Variants in ENOX1 observed in about 807,000 individuals in gnomAD.
ENOX1 encodes candidate growth-related and time keeping constitutive hydroquinone (NADH) oxidase.
A neutral mutation model predicts 82.5 loss-of-function variants in ENOX1; 42 were observed. The observed-to-expected ratio is 0.51, with a 90% CI of 0.40 to 0.66. The LOEUF (loss-of-function observed/expected upper bound fraction) is 0.66, where lower values mean the gene tolerates loss of function less well. Ranked by LOEUF, ENOX1 falls within the 30% of genes least tolerant of loss-of-function variation. The pLI, the probability that ENOX1 is intolerant of heterozygous loss-of-function variation, is 0.00. For synonymous variants in ENOX1, 271 were observed against 282.2 expected, an observed-to-expected ratio of 0.96 and a Z score of 0.40; for missense variants, 608 against 811.6, an observed-to-expected ratio of 0.75 and a Z score of 3.05.
chr13:43,775,440 C>A (rs753818801), intron 1 of ENOX1, among the ~76,000 whole-genome samples: 1 of 152,168 alleles, frequency 6.6e-6, no homozygotes, highest in South Asian at 2.1e-4. Context: ...CCTCACCTAG[C>A]CCAAAGGTGA....
At chr13:43,267,695 A>G (rs1027564013) in intron 13 of ENOX1, among the ~76,000 whole-genome samples, 8 of 152,126 alleles carry the variant, frequency 5.3e-5, no homozygotes, top group African/African-American at 1.9e-4. Flanking sequence ...GGGACATGGA[A>G]AGAAACCTGT....
At chr13:43,372,112 T>G (rs574503039) in intron 5 of ENOX1, among the ~76,000 whole-genome samples, 1 of 152,190 alleles carries the variant, frequency 6.6e-6, no homozygotes, top group Non-Finnish European at 1.5e-5. Flanking sequence ...AAGTAGTATT[T>G]GGTTGTTGAG....
chr13:43,621,935 GCT>G (rs1253338784), intron 2 of ENOX1, among the ~76,000 whole-genome samples: 1 of 152,126 alleles, frequency 6.6e-6, no homozygotes, highest in African/African-American at 2.4e-5. Flanking sequence ...CTTCTTGGAT[GCT>G]CTGTTCCTAT....
rs111775451 is a variant in ENOX1 at position 43,441,085 on chromosome 13, A to C, written c.-74-28097T>G. On this transcript the variant is annotated intron_variant, in intron 3 of 16. Transcript: ENST00000690772. ...AAATTTCACAGCCATGAAAGACAAAAAAAGACTGAAGATCTGTCCTACTGA... is the reference window on the plus strand; with the variant it reads ...AAATTTCACAGCCATGAAAGACAAACAAAGACTGAAGATCTGTCCTACTGA... 3.2e-3 allele frequency among the ~76,000 whole-genome samples: 493 copies of C among 152,342 alleles called. 2 individuals are homozygous for C. Among genetic ancestry groups the C allele is most frequent in the African/African-American group, 0.011 (459 of 41,584 alleles).
intron 1 of ENOX1, among the ~76,000 whole-genome samples, chr13:43,734,199 GGTTGTTGTTGTT>G (rs143259339): frequency 2.6e-4 from 39 of 151,114 alleles, no homozygotes; most frequent in East Asian, 1.4e-3. Context: ...TTTTGTTGTT[GGTTGTTGTTGTT>G]GTTGTTGTTG....
chr13:43,704,713 A>G (rs530068038), intron 1 of ENOX1, among the ~76,000 whole-genome samples: 2 of 152,310 alleles, frequency 1.3e-5, no homozygotes, highest in Admixed American at 6.5e-5. Flanking sequence ...TTGTACGTAC[A>G]TGCATGCATG....
chr13:43,313,614 A>T (rs2047329493), intron 11 of ENOX1, among the ~76,000 whole-genome samples: 1 of 152,188 alleles, frequency 6.6e-6, no homozygotes, highest in Non-Finnish European at 1.5e-5. Flanking sequence ...TTGTAATTAC[A>T]CCATCTGGTG....
intron 3 of ENOX1, among the ~76,000 whole-genome samples, chr13:43,413,487 T>C (rs1000302580): frequency 1.4e-4 from 21 of 151,766 alleles, no homozygotes; most frequent in African/African-American, 5.1e-4. Flanking sequence ...CCATTCACCA[T>C]GCAGCTGGAA....
At position 43,387,793 on chromosome 13, in the gene ENOX1, T is replaced by C. The variant is rs144605669; in HGVS notation, c.208+24123A>G. Among the ~76,000 whole-genome samples the C allele has an allele frequency of 2.5e-3, 384 of 152,142 alleles. 1 individual carries two copies. The highest frequency in any genetic ancestry group is 8.8e-3 in the African/African-American group (367 of 41,500). ...ATATGTAAATACATATATATACATATATAAACATTTATAGATACATATGCA... is the reference window on the plus strand; with the variant it reads ...ATATGTAAATACATATATATACATACATAAACATTTATAGATACATATGCA... On this transcript the variant is annotated intron_variant, in intron 5 of 16. Coordinates refer to ENST00000690772, the MANE Select transcript of ENOX1 (RefSeq NM_001347969.2).
intron 2 of ENOX1, among the ~76,000 whole-genome samples, chr13:43,652,261 A>G (rs966648574): frequency 7.2e-5 from 11 of 152,210 alleles, no homozygotes; most frequent in African/African-American, 2.2e-4. Context: ...ATAAATGAAG[A>G]GCAGAACCAA....
At chr13:43,273,311 T>G (rs2044802412) in intron 12 of ENOX1, among the ~76,000 whole-genome samples, 1 of 152,052 alleles carries the variant, frequency 6.6e-6, no homozygotes, top group Non-Finnish European at 1.5e-5. Context: ...CTCCTCTGGG[T>G]TTTTCCTGTT....
At chr13:43,385,443 A>G (rs2052348903) in intron 5 of ENOX1, among the ~76,000 whole-genome samples, 1 of 152,182 alleles carries the variant, frequency 6.6e-6, no homozygotes, top group African/African-American at 2.4e-5. Flanking sequence ...GATAATAAGT[A>G]AAAAACAAAA....
At chr13:43,432,469 T>C (rs1261639237) in intron 3 of ENOX1, among the ~76,000 whole-genome samples, 1 of 151,874 alleles carries the variant, frequency 6.6e-6, no homozygotes, top group Non-Finnish European at 1.5e-5. Flanking sequence ...TGAAACCCCA[T>C]CTCTACTAAA....
chr13:43,716,413 G>A (rs7998052), intron 1 of ENOX1, among the ~76,000 whole-genome samples: 3,137 of 152,222 alleles, frequency 0.021, 117 homozygotes, highest in African/African-American at 0.072. Flanking sequence ...CATCTTCTGC[G>A]TCGCTCATGC....
At chr13:43,374,535 G>A (rs139454345) in intron 5 of ENOX1, among the ~76,000 whole-genome samples, 11 of 152,258 alleles carry the variant, frequency 7.2e-5, no homozygotes, top group African/African-American at 2.6e-4. Context: ...ATGAGCCACT[G>A]TGCCCAGAAA....
At chr13:43,340,150 G>T (rs778202155) in intron 9 of ENOX1, among the ~76,000 whole-genome samples, 1 of 152,232 alleles carries the variant, frequency 6.6e-6, no homozygotes, top group Non-Finnish European at 1.5e-5. Context: ...ATGTTAGTCA[G>T]GTTACTGCTA....
Position 43,356,091 on chromosome 13 carries a change from G to A in ENOX1, c.651C>T (p.Asp217=). 1.2e-6 allele frequency: 2 copies of A among 1,614,184 alleles called. No homozygotes were observed. The highest frequency in any genetic ancestry group is 1.7e-6 in the Non-Finnish European group (2 of 1,180,044). The part of the protein sequence containing the change: ...DKKDSGRLHV[D]FAQARDDFYE... ...AGAAGTCATCCCTGGCCTGGGCAAAGTCCACATGAAGGCGGCCTGAATCCT... is the reference window on the plus strand; with the variant it reads ...AGAAGTCATCCCTGGCCTGGGCAAAATCCACATGAAGGCGGCCTGAATCCT... The change falls in exon 8 of 17, where the codon GAC becomes GAT. Residue 217 remains aspartate, a synonymous_variant. Transcript: ENST00000690772.
intron 8 of ENOX1, among the ~76,000 whole-genome samples, chr13:43,345,684 C>T (rs1183583395): frequency 2.6e-5 from 4 of 152,218 alleles, no homozygotes; most frequent in Non-Finnish European, 2.9e-5. Flanking sequence ...AATCTGACTA[C>T]TGCTGAAGGC....
chr13:43,425,090 A>G (rs1482380594), intron 3 of ENOX1, among the ~76,000 whole-genome samples: 1 of 152,200 alleles, frequency 6.6e-6, no homozygotes, highest in Non-Finnish European at 1.5e-5. Flanking sequence ...ATTAGGGGGC[A>G]CAGAAAGGTG....
Sources: gnomAD v4.1 joint callset for allele counts (sites outside exome capture counted in the v4.1 genomes callset) on GRCh38, gnomAD v4.1.1 for gene constraint, MANE v1.5 for transcripts, NCBI Gene and HGNC (gene_info 2026-07-23, HGNC 2026-07-21) for gene names.